BMPR1B: variants seen among roughly 807,000 people sequenced by gnomAD.
BMPR1B encodes the protein bone morphogenetic protein receptor type 1B, also known as bone morphogenetic protein receptor type-1B.
In BMPR1B, 12 loss-of-function variants were observed where a neutral mutation model predicts 59.1. The observed-to-expected ratio is 0.20, with a 90% confidence interval of 0.13 to 0.33. The LOEUF (loss-of-function observed/expected upper bound fraction) is 0.33, where lower values mean the gene tolerates loss of function less well. Ranked by LOEUF, BMPR1B falls within the 10% of genes least tolerant of loss-of-function variation. The pLI, the probability that BMPR1B is intolerant of heterozygous loss-of-function variation, is 1.00. For missense variants in BMPR1B, 550 were observed against 610.9 expected, an observed-to-expected ratio of 0.90 and a Z score of 1.05; for synonymous variants, 237 against 207.3, an observed-to-expected ratio of 1.14 and a Z score of -1.23.
chr4:94,834,449 G>A (rs1036005541), intron 1 of BMPR1B, among the ~76,000 whole-genome samples: 1 of 151,650 alleles, frequency 6.6e-6, no homozygotes, highest in South Asian at 2.1e-4. Flanking sequence ...TTGCATACTT[G>A]AAAACCCTTC....
chr4:94,799,077 C>A (rs1033125998), intron 1 of BMPR1B, among the ~76,000 whole-genome samples: 2 of 150,630 alleles, frequency 1.3e-5, no homozygotes, highest in Admixed American at 1.3e-4. Context: ...TCTCTCTAAC[C>A]CAGTGAAGCA....
chr4:94,953,759 T>G (rs1211217578), intron 2 of BMPR1B, among the ~76,000 whole-genome samples: 1 of 152,146 alleles, frequency 6.6e-6, no homozygotes, highest in African/African-American at 2.4e-5. Flanking sequence ...TCGAGGAGTA[T>G]CTCTGTGGTG....
At chr4:94,777,345 C>A (rs995296127) in intron 1 of BMPR1B, among the ~76,000 whole-genome samples, 1 of 151,954 alleles carries the variant, frequency 6.6e-6, no homozygotes, top group Non-Finnish European at 1.5e-5. Flanking sequence ...GAACCTGCTT[C>A]ATGTTATTTT....
intron 3 of BMPR1B, chr4:95,103,439 G>A: frequency 1.0e-6 from 1 of 985,080 alleles, no homozygotes; most frequent in Non-Finnish European, 1.2e-6. Context: ...ATTTTAAATT[G>A]AAAACTGCTC....
At chr4:94,880,339 T>C (rs550171395) in intron 2 of BMPR1B, among the ~76,000 whole-genome samples, 6 of 152,288 alleles carry the variant, frequency 3.9e-5, no homozygotes, top group African/African-American at 1.2e-4. Flanking sequence ...ATTTTACTTA[T>C]TTTGAGACAA....
chr4:94,758,178 G>C (rs867480878), intron 1 of BMPR1B, 110 bp downstream of exon 1: 1 of 151,278 alleles, frequency 6.6e-6, no homozygotes, highest in African/African-American at 2.4e-5. Flanking sequence ...GGCGCGGGAC[G>C]GGTAGCGGCT....
intron 4 of BMPR1B, among the ~76,000 whole-genome samples, chr4:95,110,993 A>G (rs1032496984): frequency 7.2e-5 from 11 of 152,190 alleles, no homozygotes; most frequent in Admixed American, 7.2e-4. Flanking sequence ...AGAAATAGAT[A>G]TTTTAGAAGA....
At chr4:94,968,438 A>G (rs531336774) in intron 2 of BMPR1B, among the ~76,000 whole-genome samples, 2 of 152,302 alleles carry the variant, frequency 1.3e-5, no homozygotes, top group East Asian at 1.9e-4. Context: ...TGAAAATGGT[A>G]TATTGAATTC....
chr4:94,929,091 C>T (rs1000610000), intron 2 of BMPR1B, among the ~76,000 whole-genome samples: 1 of 152,110 alleles, frequency 6.6e-6, no homozygotes, highest in African/African-American at 2.4e-5. Flanking sequence ...GATTGTGGAG[C>T]ATGAAACTTG....
At chr4:94,967,183 A>G (rs1243829402) in intron 2 of BMPR1B, among the ~76,000 whole-genome samples, 1 of 152,200 alleles carries the variant, frequency 6.6e-6, no homozygotes, top group Non-Finnish European at 1.5e-5. Context: ...ACATATTTTT[A>G]TATAAGAAAG....
chr4:95,041,587 G>A (rs1451518879), intron 3 of BMPR1B, among the ~76,000 whole-genome samples: 2 of 150,546 alleles, frequency 1.3e-5, no homozygotes, highest in African/African-American at 4.9e-5. Flanking sequence ...CCAGATTCTT[G>A]GAGTCCTCCA....
intron 1 of BMPR1B, among the ~76,000 whole-genome samples, chr4:94,803,221 T>C (rs1277821764): frequency 1.3e-5 from 2 of 152,158 alleles, no homozygotes; most frequent in Non-Finnish European, 2.9e-5. Flanking sequence ...TTGCAAACCT[T>C]ATTCTAAAGC....
chr4:95,137,471 T>C (rs1733884982), intron 10 of BMPR1B, among the ~76,000 whole-genome samples: 2 of 152,290 alleles, frequency 1.3e-5, no homozygotes, highest in African/African-American at 4.8e-5. Flanking sequence ...CCTTCTTAAC[T>C]TTCTGTCTCG....
At chr4:94,758,571 C>T (rs530439687) in intron 1 of BMPR1B, among the ~76,000 whole-genome samples, 27 of 152,196 alleles carry the variant, frequency 1.8e-4, no homozygotes, top group African/African-American at 6.3e-4. Flanking sequence ...CGCAGGCACC[C>T]ACCTGCCCCG....
At chr4:95,051,502 G>A (rs1004747054) in intron 3 of BMPR1B, among the ~76,000 whole-genome samples, 2 of 152,074 alleles carry the variant, frequency 1.3e-5, no homozygotes, top group African/African-American at 4.8e-5. Context: ...TCCTCCCCAC[G>A]AGGTGATCAG....
At chr4:94,993,350 C>T (rs1213909730) in intron 2 of BMPR1B, among the ~76,000 whole-genome samples, 1 of 152,140 alleles carries the variant, frequency 6.6e-6, no homozygotes, top group Non-Finnish European at 1.5e-5. Context: ...CTTTCTCTTA[C>T]CTTACAAGAG....
intron 1 of BMPR1B, among the ~76,000 whole-genome samples, chr4:94,813,887 A>G (rs539768613): frequency 1.3e-5 from 2 of 152,174 alleles, no homozygotes; most frequent in Admixed American, 6.5e-5. Context: ...GGTCTGTACA[A>G]CTGGAAGAAG....
rs80208824 is a variant in BMPR1B at position 94,861,166 on chromosome 4, C to A, written c.-182-14665C>A. On this transcript the variant is annotated intron_variant, in intron 1 of 12. Transcript: ENST00000515059. Reference sequence around the variant, plus strand: ...TGCTGCTGCTAAGGTGGCTTCAAATCCCAGTCCTGCTGCTTGCTAGCTGGG... The same window carrying A: ...TGCTGCTGCTAAGGTGGCTTCAAATACCAGTCCTGCTGCTTGCTAGCTGGG... Among the ~76,000 whole-genome samples the A allele has an allele frequency of 2.3e-3, 351 of 152,228 alleles. 1 individual carries two copies. The highest frequency in any genetic ancestry group is 8.3e-3 in the South Asian group (40 of 4,822).
intron 1 of BMPR1B, among the ~76,000 whole-genome samples, chr4:94,785,549 A>C (rs1722732096): frequency 6.6e-6 from 1 of 152,098 alleles, no homozygotes; most frequent in Non-Finnish European, 1.5e-5. Context: ...AACTGTAAGG[A>C]TTTTGGTGTT....
Sources: allele counts gnomAD v4.1 joint callset (sites outside exome capture counted in the v4.1 genomes callset), GRCh38; gene constraint gnomAD v4.1.1; transcripts MANE v1.5; gene names NCBI Gene and HGNC (gene_info 2026-07-23, HGNC 2026-07-21).